Variants in ADCK1 observed in about 807,000 individuals in gnomAD.
The protein encoded by ADCK1 is aarF domain-containing protein kinase 1.
A neutral mutation model predicts 52.3 loss-of-function variants in ADCK1; 41 were observed. That is an observed-to-expected ratio of 0.78 (90% CI 0.61 to 1.02). The LOEUF (loss-of-function observed/expected upper bound fraction) is 1.02, where lower values mean the gene tolerates loss of function less well. Among genes scored for constraint, ADCK1 ranks in the 50% least tolerant of loss-of-function variants. The pLI is 0.00. For missense variants in ADCK1, 658 were observed against 679.5 expected, an observed-to-expected ratio of 0.97 and a Z score of 0.35; for synonymous variants, 250 against 274.6, an observed-to-expected ratio of 0.91 and a Z score of 0.89.
chr14:77,869,508 A>G (rs2082730908), intron 4 of ADCK1, among the ~76,000 whole-genome samples: 1 of 152,174 alleles, frequency 6.6e-6, no homozygotes, highest in African/African-American at 2.4e-5. Flanking sequence ...CATCTTAACT[A>G]ATTATTAATA....
chr14:77,875,173 G>A (rs192711187), intron 4 of ADCK1, among the ~76,000 whole-genome samples: 107 of 152,234 alleles, frequency 7.0e-4, no homozygotes, highest in Middle Eastern at 3.4e-3. Context: ...TAGGGAAGTG[G>A]AGAGGAGAGG....
Position 77,923,569 on chromosome 14 carries a change from G to A in ADCK1, c.859-888G>A, listed in dbSNP as rs886706179. 5 of 152,206 alleles carry A rather than the reference G, an allele frequency of 3.3e-5. No homozygotes were observed. The highest frequency in any genetic ancestry group is 7.3e-5 in the Non-Finnish European group (5 of 68,052). The allele number at this position is 152,206 out of a possible 1,614,324, so 9.4% of individuals were successfully genotyped here. On this transcript the variant is annotated intron_variant, in intron 7 of 10. Coordinates refer to ENST00000238561, the MANE Select transcript of ADCK1 (RefSeq NM_020421.4). This position sits in a 1 kb window ranked among gnomAD's most constrained non-coding sequence, Gnocchi z 4.3. ...GGTTAGGTTTGTTAATGACCATGGGGTCTAGCCGAGGCCGAGAGGGTTGCC... is the reference window on the plus strand; with the variant it reads ...GGTTAGGTTTGTTAATGACCATGGGATCTAGCCGAGGCCGAGAGGGTTGCC...
At chr14:77,913,538 A>C (rs1386352257) in intron 7 of ADCK1, among the ~76,000 whole-genome samples, 1 of 152,214 alleles carries the variant, frequency 6.6e-6, no homozygotes, top group Non-Finnish European at 1.5e-5. Flanking sequence ...TTAAAAGTAA[A>C]GGTCGTGCAG....
chr14:77,805,987 CTTTT>C (rs530925697), intron 1 of ADCK1, among the ~76,000 whole-genome samples: 19 of 87,694 alleles, frequency 2.2e-4, no homozygotes, highest in Admixed American at 4.3e-4. Flanking sequence ...ATTCTTACGG[CTTTT>C]TTTTTTTTTT....
chr14:77,858,961 C>A (rs754446461), intron 3 of ADCK1, 115 bp from the exon 4 acceptor site: 174 of 976,972 alleles, frequency 1.8e-4, no homozygotes, highest in Non-Finnish European at 1.4e-4. Context: ...CATGCATCTG[C>A]CCTGGGCATT....
At chr14:77,810,631 C>T (rs1334052513) in intron 1 of ADCK1, among the ~76,000 whole-genome samples, 5 of 150,360 alleles carry the variant, frequency 3.3e-5, no homozygotes, top group African/African-American at 9.8e-5. Flanking sequence ...CCCGGGTTCA[C>T]GCCATTTTCC....
intron 7 of ADCK1, chr14:77,924,239 C>T (rs1011344636): frequency 2.4e-4 from 138 of 577,038 alleles, no homozygotes; most frequent in East Asian, 8.4e-4. Flanking sequence ...TGCCTTGTAC[C>T]GCCCACATGG....
At chr14:77,915,102 G>A (rs2083887322) in intron 7 of ADCK1, among the ~76,000 whole-genome samples, 1 of 152,086 alleles carries the variant, frequency 6.6e-6, no homozygotes, top group Admixed American at 6.5e-5. Context: ...AGCTGCGGAG[G>A]CATGAAGACC....
At chr14:77,898,573 TA>T (rs968673451) in intron 5 of ADCK1, among the ~76,000 whole-genome samples, 1 of 152,092 alleles carries the variant, frequency 6.6e-6, no homozygotes, top group Non-Finnish European at 1.5e-5. Context: ...TTCTCACTTA[TA>T]AGTGGGAACT....
chr14:77,881,069 C>A (rs1405834055), intron 4 of ADCK1, among the ~76,000 whole-genome samples: 1 of 152,214 alleles, frequency 6.6e-6, no homozygotes. Flanking sequence ...TGTTAGTTAG[C>A]TATTTCCACA....
At chr14:77,888,160 AG>A (rs1224594762) in intron 5 of ADCK1, among the ~76,000 whole-genome samples, 2 of 152,076 alleles carry the variant, frequency 1.3e-5, no homozygotes, top group Admixed American at 6.6e-5. Context: ...TGGGGCACCA[AG>A]GGGGCTGCAG....
At chr14:77,857,333 A>G (rs1225176993) in intron 3 of ADCK1, among the ~76,000 whole-genome samples, 1 of 152,206 alleles carries the variant, frequency 6.6e-6, no homozygotes, top group Non-Finnish European at 1.5e-5. Context: ...GTGCAAATTT[A>G]TGGGGTACAT....
intron 3 of ADCK1, among the ~76,000 whole-genome samples, chr14:77,850,675 G>T: frequency 7.7e-6 from 1 of 129,424 alleles, no homozygotes; most frequent in Non-Finnish European, 1.6e-5. Context: ...TTTTGAGATG[G>T]TGTCTTGCTC....
intron 3 of ADCK1, chr14:77,828,092 T>A: frequency 5.1e-6 from 1 of 197,490 alleles, no homozygotes; most frequent in South Asian, 7.4e-5. Context: ...CCTCCCAAAG[T>A]GCTGGGATTA....
intron 2 of ADCK1, among the ~76,000 whole-genome samples, chr14:77,821,298 G>T (rs1436021265): frequency 6.6e-6 from 1 of 152,172 alleles, no homozygotes; most frequent in Non-Finnish European, 1.5e-5. Context: ...TTTTTTAAAG[G>T]CCAGAGCTCT....
chr14:77,860,476 C>T lies in ADCK1; in HGVS notation c.423+1197C>T, dbSNP rs549460282. ...CTTAATGTGGAGCTGGCCCCAGGTA[C>T]GCAGCATCCATTCAAAGGTGTCCCA... On this transcript the variant is annotated intron_variant, in intron 4 of 10. Transcript: ENST00000238561. Among the ~76,000 whole-genome samples, 12 of 152,296 alleles carry T rather than the reference C, an allele frequency of 7.9e-5. No individual in the cohort carries two copies. The South Asian group carries it at 8.3e-4, about 11-fold the overall frequency.
At chr14:77,862,825 G>GTTCACTCA (rs2082580863) in intron 4 of ADCK1, among the ~76,000 whole-genome samples, 1 of 152,218 alleles carries the variant, frequency 6.6e-6, no homozygotes. Context: ...GTCATGGGAG[G>GTTCACTCA]TTCACTCATC....
chr14:77,889,898 A>AAAC (rs1211935745), intron 5 of ADCK1, among the ~76,000 whole-genome samples: 4 of 151,676 alleles, frequency 2.6e-5, no homozygotes, highest in Admixed American at 1.3e-4. Context: ...AAAAAAAAAA[A>AAAC]AAAAAACAGA....
intron 4 of ADCK1, among the ~76,000 whole-genome samples, chr14:77,886,873 C>T (rs1284821147): frequency 3.9e-5 from 6 of 151,960 alleles, no homozygotes; most frequent in Non-Finnish European, 8.8e-5. Context: ...TGCCACTGCA[C>T]TCCAGCCTGG....
Sources: allele counts gnomAD v4.1 joint callset (sites outside exome capture counted in the v4.1 genomes callset), GRCh38; gene constraint gnomAD v4.1.1; non-coding constraint Gnocchi (gnomAD v3.1); transcripts MANE v1.5; gene names NCBI Gene and HGNC (gene_info 2026-07-23, HGNC 2026-07-21).